Variants in NDUFS4 observed in about 807,000 individuals in gnomAD.
NDUFS4 encodes the protein NADH:ubiquinone oxidoreductase subunit S4, also known as NADH dehydrogenase [ubiquinone] iron-sulfur protein 4, mitochondrial.
In NDUFS4, 28 loss-of-function variants were observed where a neutral mutation model predicts 24.3. The ratio of observed to expected loss-of-function variants is 1.15; its 90% CI spans 0.85 to 1.58. The LOEUF (loss-of-function observed/expected upper bound fraction) is 1.58. Among genes scored for constraint, NDUFS4 ranks in the 40% most tolerant of loss-of-function variants. The pLI, the probability that NDUFS4 is intolerant of heterozygous loss-of-function variation, is 0.00. For missense variants in NDUFS4, 223 were observed against 207.9 expected, an observed-to-expected ratio of 1.07 and a Z score of -0.45; for synonymous variants, 93 against 69.7, an observed-to-expected ratio of 1.34 and a Z score of -1.67.
In NDUFS4 at chr5:53,683,298, A is replaced by G; in HGVS notation, c.*77A>G. ...TATTTATAGTCCATGTATAATAAAT[A>G]CATCTCTTAATCTCCTAATAAATTG... On this transcript the variant is annotated 3_prime_UTR_variant, in exon 5 of 5. Transcript: ENST00000296684. 2.0e-6 allele frequency: 2 copies of G among 1,009,294 alleles called. No individual in the cohort carries two copies. The highest frequency in any genetic ancestry group is 3.2e-6 in the Non-Finnish European group (2 of 634,410). The allele number at this position is 1,009,294 out of a possible 1,614,324, so 62.5% of individuals were successfully genotyped here.
intron 4 of NDUFS4, among the ~76,000 whole-genome samples, chr5:53,676,210 T>C (rs1327799517): frequency 1.3e-5 from 2 of 152,116 alleles, no homozygotes; most frequent in East Asian, 3.9e-4. Flanking sequence ...CAGGACTGGG[T>C]TGAGAGGGGA....
At chr5:53,586,496 T>A (rs967627036) in intron 1 of NDUFS4, among the ~76,000 whole-genome samples, 7 of 143,430 alleles carry the variant, frequency 4.9e-5, no homozygotes, top group Non-Finnish European at 1.1e-4. Flanking sequence ...AAATGAATTG[T>A]TTAGTTAGTT....
At chr5:53,592,924 T>A (rs761873223) in intron 1 of NDUFS4, among the ~76,000 whole-genome samples, 1 of 152,206 alleles carries the variant, frequency 6.6e-6, no homozygotes, top group Non-Finnish European at 1.5e-5. Flanking sequence ...TATATAAATC[T>A]TTTCATGCAT....
rs565330970 is a variant in NDUFS4, at chr5:53,560,915, C to T, written c.98+155C>T. On this transcript the variant is annotated intron_variant, in intron 1 of 4. Coordinates refer to ENST00000296684, the MANE Select transcript of NDUFS4 (RefSeq NM_002495.4). ...GGGCGGACTAGGGACTGTCTGCTAT[C>T]AATGGGCGTTGGCCAGGCGAGTGAG... Among the ~76,000 whole-genome samples the T allele has an allele frequency of 3.9e-5, 6 of 152,292 alleles. No individual in the cohort carries two copies. The East Asian group carries it at 7.7e-4, about 20-fold the overall frequency.
At chr5:53,627,182 GATGGTTGTAGAT>G (rs1751255847) in intron 2 of NDUFS4, among the ~76,000 whole-genome samples, 1 of 152,208 alleles carries the variant, frequency 6.6e-6, no homozygotes, top group African/African-American at 2.4e-5. Context: ...TCAAAGATCA[GATGGTTGTAGAT>G]ATGTGGGGTT....
intron 1 of NDUFS4, among the ~76,000 whole-genome samples, chr5:53,573,435 A>G (rs1025621666): frequency 9.2e-5 from 14 of 152,170 alleles, no homozygotes; most frequent in African/African-American, 2.9e-4. Context: ...GAATCTTTCA[A>G]TCCATAAACA....
chr5:53,603,591 G>A, intron 2 of NDUFS4, 61 bp downstream of exon 2: 1 of 1,309,016 alleles, frequency 7.6e-7, no homozygotes, highest in Non-Finnish European at 1.1e-6. Flanking sequence ...TTGTACTATA[G>A]ATATTCAGTA....
intron 2 of NDUFS4, among the ~76,000 whole-genome samples, chr5:53,641,972 T>C (rs1436358744): frequency 6.6e-6 from 1 of 152,152 alleles, no homozygotes; most frequent in African/African-American, 2.4e-5. Context: ...TGTGCTCTAC[T>C]AAAACTGTTC....
At chr5:53,590,661 G>C (rs1163363244) in intron 1 of NDUFS4, among the ~76,000 whole-genome samples, 2 of 152,128 alleles carry the variant, frequency 1.3e-5, no homozygotes, top group Non-Finnish European at 2.9e-5. Flanking sequence ...TCTCTAGGCA[G>C]TTATAAATCT....
chr5:53,604,765 C>G (rs1165957807), intron 2 of NDUFS4: 3 of 456,114 alleles, frequency 6.6e-6, no homozygotes, highest in Non-Finnish European at 1.3e-5. Context: ...GTGGTCTAGC[C>G]ACACCAAGCC....
rs770134418 is a variant in NDUFS4 at position 53,576,894 on chromosome 5, C to T, written c.98+16134C>T. ...AATATTTGTATTTCTTTTCTAGCTT[C>T]AAAGGCTGCATTTCTACAGACTTGA... is the stretch of plus-strand genomic sequence containing the variant. On this transcript the variant is annotated intron_variant, in intron 1 of 4. Transcript: ENST00000296684. Among the ~76,000 whole-genome samples, 3 of 152,172 alleles carry T rather than the reference C, an allele frequency of 2.0e-5. No homozygotes were observed. In the South Asian group the frequency reaches 6.2e-4, roughly 32 times the overall value.
intron 1 of NDUFS4, among the ~76,000 whole-genome samples, chr5:53,565,016 T>C (rs1266342867): frequency 1.3e-5 from 2 of 152,192 alleles, no homozygotes; most frequent in Non-Finnish European, 2.9e-5. Flanking sequence ...GGATTACATA[T>C]CCAAAAACCA....
chr5:53,609,666 T>C (rs552400118), intron 2 of NDUFS4, among the ~76,000 whole-genome samples: 1 of 152,324 alleles, frequency 6.6e-6, no homozygotes, highest in East Asian at 1.9e-4. Flanking sequence ...CATCTTCTTC[T>C]GATACAAGGC....
intron 3 of NDUFS4, among the ~76,000 whole-genome samples, chr5:53,648,145 TG>T (rs1324930359): frequency 3.9e-5 from 6 of 152,182 alleles, no homozygotes; most frequent in African/African-American, 1.4e-4. Flanking sequence ...GAGCACTCAC[TG>T]GTAATAAAGC....
chr5:53,627,015 G>C (rs1359589640), intron 2 of NDUFS4, among the ~76,000 whole-genome samples: 1 of 121,066 alleles, frequency 8.3e-6, no homozygotes, highest in African/African-American at 2.7e-5. Flanking sequence ...TATAGCTTTA[G>C]GTCTTACATT....
At chr5:53,648,609 T>C (rs1367151690) in intron 3 of NDUFS4, among the ~76,000 whole-genome samples, 2 of 152,174 alleles carry the variant, frequency 1.3e-5, no homozygotes, top group Non-Finnish European at 2.9e-5. Flanking sequence ...ACAGACAAAA[T>C]CAGTGGTTCT....
rs137885397 is a variant in NDUFS4, at chr5:53,640,715, C to T, written c.178-5518C>T. Among the ~76,000 whole-genome samples, 544 of 152,224 alleles carry T rather than the reference C, an allele frequency of 3.6e-3. 1 individual carries two copies. The highest frequency in any genetic ancestry group is 0.017 in the Middle Eastern group (5 of 294). On this transcript the variant is annotated intron_variant, in intron 2 of 4. Coordinates refer to ENST00000296684, the MANE Select transcript of NDUFS4 (RefSeq NM_002495.4). Reference sequence around the variant, plus strand: ...CTGCTCCAATGACCCAAAAACCTCCCGTTAGGCCCCACTTCCAACATTGGG... The same window carrying T: ...CTGCTCCAATGACCCAAAAACCTCCTGTTAGGCCCCACTTCCAACATTGGG...
intron 1 of NDUFS4, among the ~76,000 whole-genome samples, chr5:53,572,924 G>T (rs1364757534): frequency 6.7e-6 from 1 of 150,114 alleles, no homozygotes; most frequent in Non-Finnish European, 1.5e-5. Context: ...GATTAGAGGC[G>T]TGAGCTACCG....
At chr5:53,641,282 A>T (rs1014121326) in intron 2 of NDUFS4, among the ~76,000 whole-genome samples, 2 of 152,276 alleles carry the variant, frequency 1.3e-5, no homozygotes, top group South Asian at 4.1e-4. Flanking sequence ...CTTTTAGCCA[A>T]GGCTTTCCTG....
Sources: allele counts gnomAD v4.1 joint callset (sites outside exome capture counted in the v4.1 genomes callset), GRCh38; gene constraint gnomAD v4.1.1; transcripts MANE v1.5; gene names NCBI Gene and HGNC (gene_info 2026-07-23, HGNC 2026-07-21).